Variants in ERFL observed in about 807,000 individuals in gnomAD.
The protein encoded by ERFL is ETS domain-containing transcription factor ERF-like.
Under a neutral mutation model 27.9 loss-of-function variants are expected in ERFL, and 8 were observed. The ratio of observed to expected loss-of-function variants is 0.29; its 90% CI spans 0.17 to 0.52. ERFL has a LOEUF of 0.52. Ranked by LOEUF, ERFL falls within the 20% of genes least tolerant of loss-of-function variation. The probability of loss-of-function intolerance (pLI) is 0.97; values close to 1 mark genes in which losing one functional copy is unlikely to be tolerated. For synonymous variants in ERFL, 174 were observed against 202.8 expected (o/e 0.86, Z 1.21); for missense variants, 294 against 444.4 (o/e 0.66, Z 3.04).
intron 1 of ERFL, among the ~76,000 whole-genome samples, chr19:41,922,094 G>T (rs535804351): frequency 2.6e-5 from 4 of 152,076 alleles, no homozygotes; most frequent in Admixed American, 2.0e-4. Context: ...CTGGAGGGGC[G>T]GGGGCAGAGA....
chr19:41,911,029 T>C (rs1360916784), intron 2 of ERFL, among the ~76,000 whole-genome samples: 1 of 152,116 alleles, frequency 6.6e-6, no homozygotes, highest in African/African-American at 2.4e-5. Flanking sequence ...CACTGTACGA[T>C]GGAGACGGTG....
Position 41,917,652 on chromosome 19 carries a change from G to A in ERFL, c.-13-4720C>T, listed in dbSNP as rs112478345. Among the ~76,000 whole-genome samples the A allele has an allele frequency of 0.036, 5,408 of 151,484 alleles. 311 individuals are homozygous for A. Among genetic ancestry groups the A allele is most frequent in the African/African-American group, 0.12 (5,107 of 41,186 alleles). On this transcript the variant is annotated intron_variant, in intron 1 of 5. Transcript: ENST00000597630. This position sits in a 1 kb window ranked among gnomAD's most constrained non-coding sequence, Gnocchi z 4.8. The stretch of plus-strand genomic sequence containing the variant: ...ACACCATGCCCCAAAGCACACGCAC[G>A]CACGCACACACACACCCTGACTGCA...
At chr19:41,924,453 C>T (rs1289078460) in intron 1 of ERFL, among the ~76,000 whole-genome samples, 1 of 152,046 alleles carries the variant, frequency 6.6e-6, no homozygotes, top group Non-Finnish European at 1.5e-5. Context: ...GTGTGAAGAA[C>T]TTGGTGTCTG....
chr19:41,910,756 A>G lies in ERFL; in HGVS notation c.68-659T>C, dbSNP rs2074747148. On this transcript the variant is annotated intron_variant, in intron 2 of 5. Transcript: ENST00000597630. The surrounding 1 kb of genome is among the most constrained non-coding windows in gnomAD (Gnocchi z 4.4). ...GTGGACACACACATGCCCACGGAAG[A>G]CATGTCACACAGACATCAGTTCACT... 6.6e-6 allele frequency among the ~76,000 whole-genome samples: 1 copy of G among 152,188 alleles called. No individual in the cohort carries two copies. The highest frequency in any genetic ancestry group is 2.4e-5 in the African/African-American group (1 of 41,424).
rs1260595261 is a variant in ERFL, at chr19:41,917,432, G to C, written c.-13-4500C>G. 6.6e-6 allele frequency among the ~76,000 whole-genome samples: 1 copy of C among 151,704 alleles called. No homozygotes were observed. Among genetic ancestry groups the C allele is most frequent in the Non-Finnish European group, 1.5e-5 (1 of 67,916 alleles). On this transcript the variant is annotated intron_variant, in intron 1 of 5. Coordinates refer to ENST00000597630, the MANE Select transcript of ERFL (RefSeq NM_001365103.2). The surrounding 1 kb of genome is among the most constrained non-coding windows in gnomAD (Gnocchi z 4.8). ...CGCCGGCCGCCTCGGGAGCCGCCTC[G>C]GGCCTCGCACCCCCACCACCAGCCC... is the stretch of plus-strand genomic sequence containing the variant.
Position 41,909,270 on chromosome 19 carries a change from A to G in ERFL, c.498+6T>C. 3.3e-6 allele frequency: 4 copies of G among 1,230,170 alleles called. No homozygotes were observed. The highest frequency in any genetic ancestry group is 4.0e-6 in the Non-Finnish European group (4 of 987,930). The allele number at this position is 1,230,170 out of a possible 1,614,324, so 76.2% of individuals were successfully genotyped here. Reference sequence around the variant, plus strand: ...TCGGTTCCAGGACCCCAGTACCCAGACTCACCTCAGGGGTGAGGGGAGGAG... The same window carrying G: ...TCGGTTCCAGGACCCCAGTACCCAGGCTCACCTCAGGGGTGAGGGGAGGAG... On this transcript the variant is annotated splice_donor_region_variant and intron_variant, in intron 4 of 5. Coordinates refer to ENST00000597630, the MANE Select transcript of ERFL (RefSeq NM_001365103.2). The surrounding 1 kb of genome is among the most constrained non-coding windows in gnomAD (Gnocchi z 5.2).
At chr19:41,920,018 T>C (rs1403565908) in intron 1 of ERFL, among the ~76,000 whole-genome samples, 4 of 121,744 alleles carry the variant, frequency 3.3e-5, no homozygotes, top group African/African-American at 1.3e-4. Flanking sequence ...CTCACAGACA[T>C]GACGCGCTCA....
At chr19:41,912,112 C>T (rs906398301) in intron 2 of ERFL, among the ~76,000 whole-genome samples, 32 of 152,172 alleles carry the variant, frequency 2.1e-4, no homozygotes, top group African/African-American at 7.2e-4. Context: ...GCCCCCATCC[C>T]AAAATGCGGA....
In ERFL at chr19:41,909,298, T is replaced by G. The variant is rs2074739335; in HGVS notation, c.476A>C (p.Asp159Ala). 3 of 1,233,212 alleles carry G rather than the reference T, an allele frequency of 2.4e-6. No homozygotes were observed. The highest frequency in any genetic ancestry group is 2.0e-6 in the Non-Finnish European group (2 of 988,930). The allele number at this position is 1,233,212 out of a possible 1,614,324, so 76.4% of individuals were successfully genotyped here. ...CACCTCAGGGGTGAGGGGAGGAGCATCTGGCCCTGGGGCCCCCCCAAAGGG... is the reference window on the plus strand; with the variant it reads ...CACCTCAGGGGTGAGGGGAGGAGCAGCTGGCCCTGGGGCCCCCCCAAAGGG... ...PSPFGGAPGP[D>A]APPLTPETLQ... The change falls in exon 4 of 6, where the codon GAT becomes GCT. Residue 159 changes from aspartate (D) to alanine (A), a missense_variant. Around this residue, in one of 3 missense-constraint regions of ERFL, gnomAD observed 246 missense variants for 371.4 expected, o/e 0.66. Coordinates refer to ENST00000597630, the MANE Select transcript of ERFL (RefSeq NM_001365103.2). This position sits in a 1 kb window ranked among gnomAD's most constrained non-coding sequence, Gnocchi z 5.2.
At chr19:41,925,681 G>A (rs11665965) in intron 1 of ERFL, among the ~76,000 whole-genome samples, 104,069 of 151,852 alleles carry the variant, frequency 0.69, 36,074 homozygotes, top group East Asian at 0.82. Context: ...TGTCTGTGAT[G>A]AGTAACCCGA....
At position 41,909,980 on chromosome 19, in the gene ERFL, G is replaced by A; in HGVS notation, c.185C>T (p.Ala62Val). The A allele has an allele frequency of 6.2e-7, 1 of 1,613,858 alleles. No homozygotes were observed. Reference protein sequence around the residue: ...LQKEEYQGVIAWQGDYGEFVI... With the variant: ...LQKEEYQGVIVWQGDYGEFVI... Reference sequence around the variant, plus strand: ...GAATTCCCCGTAGTCCCCCTGCCAGGCTATGACGCCCTGGTACTCCTCCTT... The same window carrying A: ...GAATTCCCCGTAGTCCCCCTGCCAGACTATGACGCCCTGGTACTCCTCCTT... The change falls in exon 3 of 6, where the codon GCC becomes GTC. Residue 62 changes from alanine (A) to valine (V), a missense_variant. Ala to Val is a moderately conservative substitution (Grantham distance 64). Coordinates refer to ENST00000597630, the MANE Select transcript of ERFL (RefSeq NM_001365103.2). The surrounding 1 kb of genome is among the most constrained non-coding windows in gnomAD (Gnocchi z 5.2).
intron 1 of ERFL, chr19:41,923,058 G>A (rs782667396): frequency 3.7e-5 from 16 of 434,212 alleles, no homozygotes; most frequent in South Asian, 1.6e-4. Flanking sequence ...GAAGTTCAGC[G>A]CCCCCTCTGA....
rs1385595484 is a variant in ERFL, at chr19:41,908,963, T to C, written c.616+97A>G. 2 of 765,090 alleles carry C rather than the reference T, an allele frequency of 2.6e-6. No individual in the cohort carries two copies. Among genetic ancestry groups the C allele is most frequent in the East Asian group, 3.4e-5 (1 of 29,394 alleles). The allele number at this position is 765,090 out of a possible 1,614,324, so 47.4% of individuals were successfully genotyped here. A position where few individuals can be genotyped will look rare whatever the true frequency, so the allele number is the denominator to read the frequency against. On this transcript the variant is annotated intron_variant, in intron 5 of 5. Transcript: ENST00000597630. This position sits in a 1 kb window ranked among gnomAD's most constrained non-coding sequence, Gnocchi z 6.7. The stretch of plus-strand genomic sequence containing the variant: ...CCCTACAACCTGGCCCTGGGCCCCC[T>C]TCCCCATCTCTTCTCTTGTCTTTTC...
chr19:41,923,325 GACAGAC>G, intron 1 of ERFL: 1 of 377,996 alleles, frequency 2.6e-6, no homozygotes, highest in Non-Finnish European at 5.3e-6. Context: ...AAGACAAGGA[GACAGAC>G]ACAGAGTCCA....
Position 41,921,966 on chromosome 19 carries a change from C to T in ERFL, c.-14+6074G>A, listed in dbSNP as rs374799771. On this transcript the variant is annotated intron_variant, in intron 1 of 5. Coordinates refer to ENST00000597630, the MANE Select transcript of ERFL (RefSeq NM_001365103.2). The surrounding 1 kb of genome is among the most constrained non-coding windows in gnomAD (Gnocchi z 4.4). ...CTCCTCCTGGTCCTCATCCCCAACT[C>T]CCACCCCTTCCCCACCCTTGCCTTC... Among the ~76,000 whole-genome samples, 5 of 142,644 alleles carry T rather than the reference C, an allele frequency of 3.5e-5. No individual in the cohort carries two copies. Among genetic ancestry groups the T allele is most frequent in the African/African-American group, 5.0e-5 (2 of 39,672 alleles). The allele number at this position is 142,644 out of a possible 152,430, so 93.6% of individuals were successfully genotyped here.
At position 41,912,853 on chromosome 19, in the gene ERFL, C is replaced by T; in HGVS notation, c.67G>A (p.Gly23Arg). 1 of 1,201,890 alleles carries T rather than the reference C, an allele frequency of 8.3e-7. No individual in the cohort carries two copies. Among genetic ancestry groups the T allele is most frequent in the Non-Finnish European group, 1.0e-6 (1 of 966,198 alleles). The allele number at this position is 1,201,890 out of a possible 1,614,324, so 74.5% of individuals were successfully genotyped here. ...GGTGGGGGAGGTCCGGGCCAGTTAC[C>T]GGGGGTCCAGAGAGCCGGCAGGGCG... The part of the protein sequence containing the change: ...PPALPALWTP[G>R]FAFPDWAYKP... The change falls in exon 2 of 6, where the codon GGG becomes AGG. Residue 23 changes from glycine (G) to arginine (R), a missense_variant and splice_region_variant. Physicochemically the swap from Gly to Arg is moderately radical, Grantham distance 125. Coordinates refer to ENST00000597630, the MANE Select transcript of ERFL (RefSeq NM_001365103.2).
At position 41,908,476 on chromosome 19, in the gene ERFL, T is replaced by TG. The variant is rs1555850920; in HGVS notation, c.816dup (p.Thr273HisfsTer60). 3.2e-6 allele frequency: 4 copies of TG among 1,231,368 alleles called. No homozygotes were observed. The highest frequency in any genetic ancestry group is 3.0e-6 in the Non-Finnish European group (3 of 987,794). The allele number at this position is 1,231,368 out of a possible 1,614,324, so 76.3% of individuals were successfully genotyped here. ...GTCGAGGCCAGCAGGGGCGTGGCTG[T>TG]GGGGCCTCCCCCTGCCCCTGACGAG... On this transcript the variant is annotated frameshift_variant, in exon 6 of 6. Coordinates refer to ENST00000597630, the MANE Select transcript of ERFL (RefSeq NM_001365103.2). LOFTEE classifies it high-confidence loss of function. The surrounding 1 kb of genome is among the most constrained non-coding windows in gnomAD (Gnocchi z 6.7).
chr19:41,912,858 G>A lies in ERFL; in HGVS notation c.62C>T (p.Thr21Ile), dbSNP rs1267274875. 3.3e-6 allele frequency: 4 copies of A among 1,225,212 alleles called. No homozygotes were observed. The highest frequency in any genetic ancestry group is 1.6e-5 in the African/African-American group (1 of 64,160). The allele number at this position is 1,225,212 out of a possible 1,614,324, so 75.9% of individuals were successfully genotyped here. Residue 21 changes from threonine (T) to isoleucine (I), a missense_variant, in exon 2 of 6, where the codon ACC (threonine) becomes ATC (isoleucine). Physicochemically the swap from Thr to Ile is moderately conservative, Grantham distance 89. Around this residue, in one of 3 missense-constraint regions of ERFL, gnomAD observed 38 missense variants for 35.3 expected, o/e 1.08. Transcript: ENST00000597630. Reference sequence around the variant, plus strand: ...GGGAGGTCCGGGCCAGTTACCGGGGGTCCAGAGAGCCGGCAGGGCGGGCGG... The same window carrying A: ...GGGAGGTCCGGGCCAGTTACCGGGGATCCAGAGAGCCGGCAGGGCGGGCGG... ...FAPPALPALW[T>I]PGFAFPDWAY...
chr19:41,915,746 T>C lies in ERFL; in HGVS notation c.-13-2814A>G, dbSNP rs551170761. Among the ~76,000 whole-genome samples, 13 of 152,236 alleles carry C rather than the reference T, an allele frequency of 8.5e-5. No individual in the cohort carries two copies. In the South Asian group the frequency reaches 2.5e-3, roughly 29 times the overall value. On this transcript the variant is annotated intron_variant, in intron 1 of 5. Transcript: ENST00000597630. Reference sequence around the variant, plus strand: ...CTGTCCCGGTGTCCGTCTCTTGGGGTCCCTTTGATCTCACCCTGCCCCTGG... The same window carrying C: ...CTGTCCCGGTGTCCGTCTCTTGGGGCCCCTTTGATCTCACCCTGCCCCTGG...
Sources: allele counts gnomAD v4.1 joint callset (sites outside exome capture counted in the v4.1 genomes callset), GRCh38; gene constraint gnomAD v4.1.1; regional missense constraint gnomAD v4.1.1; non-coding constraint Gnocchi (gnomAD v3.1); transcripts MANE v1.5; gene names NCBI Gene and HGNC (gene_info 2026-07-23, HGNC 2026-07-21).